PSMA3: variants seen among roughly 807,000 people sequenced by gnomAD.
PSMA3 encodes proteasome subunit alpha type-3.
Under a neutral mutation model 40.0 loss-of-function variants are expected in PSMA3, and 8 were observed. The observed-to-expected ratio is 0.20, with a 90% CI of 0.12 to 0.36. The LOEUF (loss-of-function observed/expected upper bound fraction) is 0.36, where lower values mean the gene tolerates loss of function less well. Among genes scored for constraint, PSMA3 ranks in the 10% least tolerant of loss-of-function variants. PSMA3 has a pLI of 1.00. For missense variants in PSMA3, 219 were observed against 310.6 expected (o/e 0.70, Z 2.22); for synonymous variants, 110 against 100.0 (o/e 1.10, Z -0.59).
chr14:58,262,405 C>T lies in PSMA3; in HGVS notation c.478-1300C>T, dbSNP rs1594830106. 3.3e-5 allele frequency among the ~76,000 whole-genome samples: 5 copies of T among 152,222 alleles called. No individual in the cohort carries two copies. The South Asian group carries it at 1.0e-3, about 32-fold the overall frequency. The stretch of plus-strand genomic sequence containing the variant: ...ATTTTCAGTAGAGACGAGGTTTCAC[C>T]ATGTTAGCCAGGCTGGTCTCGAACT... On this transcript the variant is annotated intron_variant, in intron 6 of 10. Coordinates refer to ENST00000216455, the MANE Select transcript of PSMA3 (RefSeq NM_002788.4).
chr14:58,271,327 C>CTTTTTTTTTTTTTTTTTTTTTTTT (rs60528514), intron 10 of PSMA3, among the ~76,000 whole-genome samples: 1 of 102,396 alleles, frequency 9.8e-6, no homozygotes, highest in Non-Finnish European at 1.9e-5. Context: ...AATATTTGTT[C>CTTTTTTTTTTTTTTTTTTTTTTTT]TTTTTTTTTT....
chr14:58,268,299 A>C (rs565399770), intron 8 of PSMA3, among the ~76,000 whole-genome samples: 1 of 152,342 alleles, frequency 6.6e-6, no homozygotes, highest in African/African-American at 2.4e-5. Flanking sequence ...TCCACATTAG[A>C]ACTACATAAA....
At chr14:58,254,344 G>GTATGTATGTATA (rs1890096277) in intron 3 of PSMA3, among the ~76,000 whole-genome samples, 1 of 13,440 alleles carries the variant, frequency 7.4e-5, no homozygotes, top group African/African-American at 3.2e-4. Flanking sequence ...ATATATATAT[G>GTATGTATGTATA]TATGTACACA....
chr14:58,244,987 G>C (rs1421071036), intron 1 of PSMA3, 46 bp downstream of exon 1: 2 of 1,613,896 alleles, frequency 1.2e-6, no homozygotes, highest in Middle Eastern at 1.7e-4. Flanking sequence ...TAAGGATTGG[G>C]GTTGAAGGGA....
intron 2 of PSMA3, among the ~76,000 whole-genome samples, chr14:58,249,283 G>A (rs1464033845): frequency 1.3e-5 from 2 of 151,936 alleles, no homozygotes; most frequent in South Asian, 2.1e-4. Flanking sequence ...TTTTAAAGAT[G>A]TATTAACCTG....
chr14:58,257,445 C>T (rs1488543267), intron 3 of PSMA3, among the ~76,000 whole-genome samples: 1 of 151,370 alleles, frequency 6.6e-6, no homozygotes, highest in Non-Finnish European at 1.5e-5. Context: ...GTGAAGTGAG[C>T]GGAGATCATG....
chr14:58,246,861 T>G (rs1306474914), intron 1 of PSMA3, among the ~76,000 whole-genome samples: 1 of 152,226 alleles, frequency 6.6e-6, no homozygotes, highest in Admixed American at 6.5e-5. Context: ...AGAATGATGT[T>G]TTTAAAAATA....
At chr14:58,259,950 G>T (rs1257496666) in intron 5 of PSMA3, among the ~76,000 whole-genome samples, 4 of 152,186 alleles carry the variant, frequency 2.6e-5, no homozygotes, top group Non-Finnish European at 5.9e-5. Flanking sequence ...ATGTTGAAAG[G>T]CTTTAAAATA....
chr14:58,251,980 TTTCTC>T (rs1280858416), intron 2 of PSMA3, 134 bp from the exon 3 acceptor site: 10 of 807,198 alleles, frequency 1.2e-5, no homozygotes, highest in Admixed American at 6.8e-5. Context: ...TTTAGTGTGT[TTTCTC>T]TTCCTGGTTT....
In PSMA3 at chr14:58,255,198, T is replaced by A. The variant is rs80043202; in HGVS notation, c.229-2547T>A. ...AAACTTAGTAGCCGTTTTTTTTTTT[T>A]AAATACACACATAGTGAAAAATATT... is the stretch of plus-strand genomic sequence containing the variant. On this transcript the variant is annotated intron_variant, in intron 3 of 10. Coordinates refer to ENST00000216455, the MANE Select transcript of PSMA3 (RefSeq NM_002788.4). 5.5e-5 allele frequency among the ~76,000 whole-genome samples: 8 copies of A among 145,630 alleles called. 1 individual carries two copies. The highest frequency in any genetic ancestry group is 4.4e-4 in the South Asian group (2 of 4,522).
intron 8 of PSMA3, chr14:58,269,744 TTTAAATATATTTAAG>T (rs1475638136): frequency 6.6e-6 from 1 of 152,204 alleles, no homozygotes; most frequent in East Asian, 1.9e-4. Flanking sequence ...ATTAGTTGGT[TTTAAATATATTTAAG>T]TTAATGGACA....
intron 2 of PSMA3, among the ~76,000 whole-genome samples, chr14:58,250,852 TG>T (rs1440189500): frequency 6.6e-6 from 1 of 152,150 alleles, no homozygotes; most frequent in Non-Finnish European, 1.5e-5. Context: ...AATCTAGGCC[TG>T]AAATTATAAG....
intron 3 of PSMA3, among the ~76,000 whole-genome samples, chr14:58,256,953 G>T (rs1890158326): frequency 2.0e-5 from 3 of 150,630 alleles, no homozygotes; most frequent in Non-Finnish European, 3.0e-5. Flanking sequence ...ACCAAACCCT[G>T]TCTCTACTAA....
At chr14:58,245,114 C>T in intron 1 of PSMA3, 173 bp downstream of exon 1, 2 of 750,032 alleles carry the variant, frequency 2.7e-6, no homozygotes. Flanking sequence ...TATGCTAGGC[C>T]TGCGTCTCAG....
In PSMA3 at chr14:58,257,997, A is replaced by G. The variant is rs1212532946; in HGVS notation, c.403A>G (p.Ser135Gly). 1 of 1,612,366 alleles carries G rather than the reference A, an allele frequency of 6.2e-7. No individual in the cohort carries two copies. Among genetic ancestry groups the G allele is most frequent in the Admixed American group, 1.7e-5 (1 of 60,014 alleles). The change falls in exon 5 of 11, where the codon AGT (serine) becomes GGT (glycine). Residue 135 changes from serine to glycine, a missense_variant and splice_region_variant. By Grantham distance (56) the Ser-to-Gly change is moderately conservative. Transcript: ENST00000216455. ...CAGTGCTGTTAGACCTTTTGGCTGC[A>G]GGTAAGAAATTTTGTGAATTATTCA... ...LYSAVRPFGCSFMLGSYSVND... is the reference protein window; with the variant it reads ...LYSAVRPFGCGFMLGSYSVND...
At chr14:58,266,523 C>CA (rs1415779995) in intron 7 of PSMA3, 1 of 152,204 alleles carries the variant, frequency 6.6e-6, no homozygotes, top group Non-Finnish European at 1.5e-5. Context: ...CAAAACCCAA[C>CA]AACATACAGA....
chr14:58,253,272 A>T (rs1890055002), intron 3 of PSMA3, among the ~76,000 whole-genome samples: 1 of 152,208 alleles, frequency 6.6e-6, no homozygotes, highest in Non-Finnish European at 1.5e-5. Context: ...TATAGGCGTG[A>T]GCCACTGCGC....
At chr14:58,251,750 T>TCTAA (rs1474139532) in intron 2 of PSMA3, among the ~76,000 whole-genome samples, 1 of 152,228 alleles carries the variant, frequency 6.6e-6, no homozygotes, top group Non-Finnish European at 1.5e-5. Flanking sequence ...TTAGTTTGTA[T>TCTAA]CTAACCTTTT....
At chr14:58,258,422 A>C (rs941653591) in intron 5 of PSMA3, 2 of 137,096 alleles carry the variant, frequency 1.5e-5, no homozygotes, top group Non-Finnish European at 3.1e-5. Flanking sequence ...GGCGCAATAG[A>C]GACTCTGCCT....
Sources: allele counts gnomAD v4.1 joint callset (sites outside exome capture counted in the v4.1 genomes callset), GRCh38; gene constraint gnomAD v4.1.1; transcripts MANE v1.5; gene names NCBI Gene and HGNC (gene_info 2026-07-23, HGNC 2026-07-21).